Variants in TRPM8 observed in about 807,000 individuals in gnomAD.
The protein encoded by TRPM8 is transient receptor potential cation channel subfamily M member 8.
A neutral mutation model predicts 133.7 loss-of-function variants in TRPM8; 110 were observed. The observed-to-expected ratio is 0.82, with a 90% CI of 0.70 to 0.96. TRPM8 has a LOEUF of 0.96. Among genes scored for constraint, TRPM8 ranks in the 40% least tolerant of loss-of-function variants. The pLI is 0.00. For missense variants in TRPM8, 1,291 were observed against 1,379.5 expected (o/e 0.94, Z 1.02); for synonymous variants, 535 against 532.3 (o/e 1.01, Z -0.07).
At chr2:234,016,063 G>A (rs1241395022) in intron 25 of TRPM8, among the ~76,000 whole-genome samples, 2 of 152,180 alleles carry the variant, frequency 1.3e-5, no homozygotes, top group Non-Finnish European at 1.5e-5. Context: ...TGTGCTGACT[G>A]TGAGTAAAAC....
At chr2:233,988,270 C>T (rs1274469509) in intron 21 of TRPM8, among the ~76,000 whole-genome samples, 2 of 151,978 alleles carry the variant, frequency 1.3e-5, no homozygotes, top group African/African-American at 4.8e-5. Flanking sequence ...ACTTCTCTTC[C>T]TGCCCAGTTT....
At chr2:233,994,182 G>A (rs982581590) in intron 21 of TRPM8, among the ~76,000 whole-genome samples, 1 of 152,114 alleles carries the variant, frequency 6.6e-6, no homozygotes, top group Non-Finnish European at 1.5e-5. Flanking sequence ...CCCTAATCGG[G>A]GGCTGCTGCA....
At chr2:233,999,659 A>G (rs897876306) in intron 22 of TRPM8, among the ~76,000 whole-genome samples, 22 of 152,216 alleles carry the variant, frequency 1.4e-4, no homozygotes, top group Admixed American at 5.9e-4. Context: ...CCTACTCCCA[A>G]ATTCACAGCA....
intron 1 of TRPM8, among the ~76,000 whole-genome samples, chr2:233,917,921 A>G (rs1574679798): frequency 6.6e-6 from 1 of 152,198 alleles, no homozygotes; most frequent in Non-Finnish European, 1.5e-5. Flanking sequence ...AGGAGCGGGT[A>G]TATTTAGCTT....
chr2:233,994,995 G>A (rs2125343318), intron 21 of TRPM8, among the ~76,000 whole-genome samples: 1 of 152,296 alleles, frequency 6.6e-6, no homozygotes, highest in African/African-American at 2.4e-5. Context: ...AAATCCTTTT[G>A]AAATGAAGCA....
At chr2:233,999,528 G>A (rs28948674) in intron 22 of TRPM8, among the ~76,000 whole-genome samples, 13,711 of 152,064 alleles carry the variant, frequency 0.09, 609 homozygotes, top group East Asian at 0.12. Flanking sequence ...TTTGGCCATC[G>A]TGGCCCTGTT....
chr2:233,938,943 C>T, intron 4 of TRPM8, 55 bp from the exon 5 acceptor site: 3 of 1,579,548 alleles, frequency 1.9e-6, no homozygotes, highest in South Asian at 1.1e-5. Context: ...AATGCTAAAC[C>T]CCGACCTCAG....
intron 14 of TRPM8, chr2:233,966,093 A>G (rs1691564052): frequency 6.5e-6 from 1 of 153,648 alleles, no homozygotes; most frequent in Non-Finnish European, 1.4e-5. Context: ...CAGGTGATCC[A>G]CACTCCTCGG....
chr2:233,961,277 A>G (rs373169531), intron 12 of TRPM8, among the ~76,000 whole-genome samples: 1 of 152,134 alleles, frequency 6.6e-6, no homozygotes, highest in Non-Finnish European at 1.5e-5. Flanking sequence ...TATGATCTAT[A>G]TGATACCATA....
intron 10 of TRPM8, 108 bp downstream of exon 10, chr2:233,954,127 A>T (rs1346030415): frequency 1.4e-6 from 1 of 717,990 alleles, no homozygotes; most frequent in African/African-American, 1.8e-5. Context: ...GCAAGCTTGT[A>T]CTTAATTTTG....
intron 24 of TRPM8, among the ~76,000 whole-genome samples, chr2:234,008,831 G>T (rs548651987): frequency 1.3e-5 from 2 of 152,272 alleles, no homozygotes; most frequent in African/African-American, 4.8e-5. Flanking sequence ...ATGAATAAAT[G>T]AACAAAAGGG....
chr2:233,998,108 C>T (rs1023204094), intron 22 of TRPM8, among the ~76,000 whole-genome samples: 2 of 152,166 alleles, frequency 1.3e-5, no homozygotes, highest in African/African-American at 4.8e-5. Flanking sequence ...CCTTTTTCCT[C>T]ATCCCTTAAC....
At chr2:234,011,914 CAAAAA>C (rs869030520) in intron 24 of TRPM8, among the ~76,000 whole-genome samples, 1 of 81,276 alleles carries the variant, frequency 1.2e-5, no homozygotes, top group Non-Finnish European at 2.2e-5. Flanking sequence ...GAGACTGTCT[CAAAAA>C]AAAAAAAAAA....
At chr2:233,987,761 C>T (rs550675232) in intron 21 of TRPM8, among the ~76,000 whole-genome samples, 11 of 152,178 alleles carry the variant, frequency 7.2e-5, no homozygotes, top group East Asian at 1.9e-4. Context: ...GGGAGATAAT[C>T]GAATCATGGG....
chr2:233,932,344 C>T (rs995812649), intron 3 of TRPM8, among the ~76,000 whole-genome samples: 41 of 152,196 alleles, frequency 2.7e-4, no homozygotes, highest in African/African-American at 9.7e-4. Flanking sequence ...GCAAAGAGGG[C>T]CTTGCTCCTA....
At position 234,018,566 on chromosome 2, in the gene TRPM8, C is replaced by A. The variant is rs1224317863; in HGVS notation, c.*1310C>A. The A allele has an allele frequency of 6.6e-6, 1 of 151,666 alleles. No homozygotes were observed. Among genetic ancestry groups the A allele is most frequent in the African/African-American group, 2.4e-5 (1 of 41,258 alleles). The allele number at this position is 151,666 out of a possible 1,614,324, so 9.4% of individuals were successfully genotyped here. A position where few individuals can be genotyped will look rare whatever the true frequency, so the allele number is the denominator to read the frequency against. On this transcript the variant is annotated 3_prime_UTR_variant, in exon 26 of 26. Coordinates refer to ENST00000324695, the MANE Select transcript of TRPM8 (RefSeq NM_024080.5). ...TATTAAAATAAAATATTATATTTAA[C>A]CCTTAGTTTAAGAAGAAGTCAATAT...
chr2:233,959,170 C>T (rs891699320), intron 11 of TRPM8, among the ~76,000 whole-genome samples: 7 of 151,620 alleles, frequency 4.6e-5, no homozygotes, highest in East Asian at 1.9e-4. Flanking sequence ...GGATTACAGG[C>T]GTGCGCCACC....
At chr2:233,938,152 C>G (rs1267075053) in intron 4 of TRPM8, among the ~76,000 whole-genome samples, 2 of 152,234 alleles carry the variant, frequency 1.3e-5, no homozygotes, top group Admixed American at 1.3e-4. Context: ...TCTCTTGCTG[C>G]CCGCAGCTCT....
intron 21 of TRPM8, among the ~76,000 whole-genome samples, chr2:233,993,422 C>T (rs186030258): frequency 7.4e-4 from 112 of 152,306 alleles, no homozygotes; most frequent in African/African-American, 2.6e-3. Context: ...CCTACGTGCA[C>T]TGTAGCTCAG....
Sources: gnomAD v4.1 joint callset for allele counts (sites outside exome capture counted in the v4.1 genomes callset) on GRCh38, gnomAD v4.1.1 for gene constraint, MANE v1.5 for transcripts, NCBI Gene and HGNC (gene_info 2026-07-23, HGNC 2026-07-21) for gene names.